Variants in CTNND2 observed in about 807,000 individuals in gnomAD.
CTNND2 encodes the protein catenin delta-2.
In CTNND2, 22 loss-of-function variants were observed where a neutral mutation model predicts 144.4. The observed-to-expected ratio is 0.15, with a 90% CI of 0.11 to 0.22. CTNND2 has a LOEUF of 0.22. Ranked by LOEUF, CTNND2 falls within the 10% of genes least tolerant of loss-of-function variation. CTNND2 has a pLI of 1.00. For synonymous variants in CTNND2, 751 were observed against 695.6 expected, an observed-to-expected ratio of 1.08 and a Z score of -1.25; for missense variants, 1,353 against 1,618.8, an observed-to-expected ratio of 0.84 and a Z score of 2.82.
chr5:11,020,598 C>G (rs1388851106), intron 17 of CTNND2, among the ~76,000 whole-genome samples: 1 of 152,268 alleles, frequency 6.6e-6, no homozygotes, highest in African/African-American at 2.4e-5. Context: ...GTTTCATGCT[C>G]AAATTTGGAG....
chr5:11,833,243 G>T (rs942371032), intron 1 of CTNND2, among the ~76,000 whole-genome samples: 6 of 152,064 alleles, frequency 3.9e-5, no homozygotes, highest in African/African-American at 1.4e-4. Context: ...CCATTAACTG[G>T]AGAGTGGATA....
intron 10 of CTNND2, among the ~76,000 whole-genome samples, chr5:11,211,556 G>C (rs987894592): frequency 1.3e-5 from 2 of 152,190 alleles, no homozygotes; most frequent in Non-Finnish European, 2.9e-5. Context: ...GCGTGACTAC[G>C]ATTTGGGGCC....
intron 3 of CTNND2, among the ~76,000 whole-genome samples, chr5:11,479,168 G>A (rs905777316): frequency 3.3e-5 from 5 of 152,092 alleles, no homozygotes; most frequent in African/African-American, 1.2e-4. Context: ...CCTCAGGAAT[G>A]TCCTACTGTC....
chr5:11,252,801 G>A (rs929193831), intron 9 of CTNND2, among the ~76,000 whole-genome samples: 2 of 152,212 alleles, frequency 1.3e-5, no homozygotes, highest in Middle Eastern at 3.4e-3. Context: ...ACTGCAAGTT[G>A]GGCACCAAAA....
chr5:11,637,299 T>TAG (rs1165668380), intron 2 of CTNND2, among the ~76,000 whole-genome samples: 1 of 152,152 alleles, frequency 6.6e-6, no homozygotes, highest in Non-Finnish European at 1.5e-5. Flanking sequence ...CTCAGAAGTA[T>TAG]AGAGATATAT....
intron 1 of CTNND2, among the ~76,000 whole-genome samples, chr5:11,751,467 A>G (rs993766268): frequency 6.6e-6 from 1 of 151,788 alleles, no homozygotes; most frequent in African/African-American, 2.4e-5. Context: ...CCTTCCACTT[A>G]TAAGTGAGAA....
intron 3 of CTNND2, among the ~76,000 whole-genome samples, chr5:11,509,834 CAGAG>C (rs1771461029): frequency 6.6e-6 from 1 of 152,174 alleles, no homozygotes; most frequent in South Asian, 2.1e-4. Context: ...ACCTTTTCTA[CAGAG>C]AGTTTCCCCT....
At chr5:11,162,501 G>C (rs1295422985) in intron 11 of CTNND2, among the ~76,000 whole-genome samples, 1 of 152,102 alleles carries the variant, frequency 6.6e-6, no homozygotes, top group East Asian at 1.9e-4. Flanking sequence ...ACCCTTCCAG[G>C]CTGTCTCCAT....
chr5:11,725,151 T>A (rs1238713691), intron 2 of CTNND2, among the ~76,000 whole-genome samples: 3 of 152,160 alleles, frequency 2.0e-5, no homozygotes, highest in Non-Finnish European at 4.4e-5. Flanking sequence ...AACTTGAACA[T>A]GATCGATGGG....
chr5:11,181,533 G>C (rs1420953015), intron 11 of CTNND2, among the ~76,000 whole-genome samples: 1 of 152,172 alleles, frequency 6.6e-6, no homozygotes, highest in Non-Finnish European at 1.5e-5. Context: ...CAAGCCCAGT[G>C]TATAGAACAG....
At chr5:11,039,636 A>G (rs1744474311) in intron 16 of CTNND2, among the ~76,000 whole-genome samples, 1 of 152,232 alleles carries the variant, frequency 6.6e-6, no homozygotes, top group East Asian at 1.9e-4. Flanking sequence ...AGAAAAAGAG[A>G]GAGAGAAGGA....
At chr5:11,284,604 T>C (rs886109176) in intron 9 of CTNND2, among the ~76,000 whole-genome samples, 2 of 152,230 alleles carry the variant, frequency 1.3e-5, no homozygotes, top group South Asian at 2.1e-4. Context: ...TGTTCCTTTT[T>C]ATGGCTGCGT....
At chr5:11,310,592 A>G (rs1750692758) in intron 9 of CTNND2, among the ~76,000 whole-genome samples, 1 of 151,786 alleles carries the variant, frequency 6.6e-6, no homozygotes, top group South Asian at 2.1e-4. Context: ...TTTACCTTCA[A>G]AAACAAAGGC....
chr5:11,451,751 G>A (rs1252151266), intron 3 of CTNND2, among the ~76,000 whole-genome samples: 1 of 152,188 alleles, frequency 6.6e-6, no homozygotes, highest in African/African-American at 2.4e-5. Context: ...GCACGTTCAA[G>A]ATCTGTTTGC....
chr5:11,602,731 T>C (rs1406553823), intron 2 of CTNND2, among the ~76,000 whole-genome samples: 1 of 146,266 alleles, frequency 6.8e-6, no homozygotes, highest in Non-Finnish European at 1.5e-5. Flanking sequence ...ATTTTATATG[T>C]AATATAAATA....
intron 10 of CTNND2, among the ~76,000 whole-genome samples, chr5:11,221,463 G>A (rs895665734): frequency 2.0e-4 from 31 of 152,308 alleles, no homozygotes; most frequent in Admixed American, 2.0e-3. Context: ...TGGAAGATAA[G>A]GTTGGAAGAG....
chr5:11,447,055 A>G (rs1764877682), intron 3 of CTNND2, among the ~76,000 whole-genome samples: 1 of 152,000 alleles, frequency 6.6e-6, no homozygotes, highest in African/African-American at 2.4e-5. Flanking sequence ...CTTCCCGGGT[A>G]ACAACAACAA....
chr5:11,332,405 A>G (rs1260080415), intron 9 of CTNND2, among the ~76,000 whole-genome samples: 1 of 152,050 alleles, frequency 6.6e-6, no homozygotes, highest in Admixed American at 6.5e-5. Context: ...TCGTCCATGC[A>G]GCCTTGGTTT....
chr5:11,227,969 A>C (rs1181583595), intron 10 of CTNND2, among the ~76,000 whole-genome samples: 2 of 151,986 alleles, frequency 1.3e-5, no homozygotes, highest in Admixed American at 1.3e-4. Flanking sequence ...GTTTTCCCTG[A>C]CTCCACAAGG....
Sources: allele counts gnomAD v4.1 joint callset (sites outside exome capture counted in the v4.1 genomes callset), GRCh38; gene constraint gnomAD v4.1.1; transcripts MANE v1.5; gene names NCBI Gene and HGNC (gene_info 2026-07-23, HGNC 2026-07-21).